DNAH2: variants seen among roughly 807,000 people sequenced by gnomAD.
DNAH2 encodes the protein axonemal beta dynein heavy chain 2.
A neutral mutation model predicts 523.5 loss-of-function variants in DNAH2; 323 were observed. The ratio of observed to expected loss-of-function variants is 0.62; its 90% CI spans 0.56 to 0.68. The LOEUF is 0.68. DNAH2 is among the 30% of genes least tolerant of loss of function. DNAH2 has a pLI of 0.00. For synonymous variants in DNAH2, 2,093 were observed against 2,177.4 expected (o/e 0.96, Z 1.08); for missense variants, 4,907 against 5,701.5 (o/e 0.86, Z 4.49).
chr17:7,811,718 C>A (rs1358401108), intron 63 of DNAH2, among the ~76,000 whole-genome samples: 1 of 152,166 alleles, frequency 6.6e-6, no homozygotes, highest in East Asian at 1.9e-4. Context: ...AGGGCCCTAC[C>A]CCCGTGACCT....
Position 7,770,245 on chromosome 17 carries a change from G to A in DNAH2, c.3942-7G>A. The A allele has an allele frequency of 6.3e-7, 1 of 1,595,922 alleles. No homozygotes were observed. The highest frequency in any genetic ancestry group is 1.1e-5 in the South Asian group (1 of 87,482). On this transcript the variant is annotated splice_polypyrimidine_tract_variant and splice_region_variant and intron_variant, in intron 24 of 85. Coordinates refer to ENST00000572933, the MANE Select transcript of DNAH2 (RefSeq NM_020877.5). ...CTGACCTCACACCCTCCTGTTCCTGGCTGCAGGCACTGGGACCAGGTCCGG... is the reference window on the plus strand; with the variant it reads ...CTGACCTCACACCCTCCTGTTCCTGACTGCAGGCACTGGGACCAGGTCCGG...
intron 13 of DNAH2, 125 bp downstream of exon 13, chr17:7,757,362 A>T: frequency 3.0e-6 from 4 of 1,313,704 alleles, no homozygotes; most frequent in Non-Finnish European, 4.1e-6. Flanking sequence ...CCATCTCAAA[A>T]AAAAAAAATT....
rs2078204780 is a variant in DNAH2, at chr17:7,832,412, A to G, written c.12727-167A>G. On this transcript the variant is annotated intron_variant, in intron 82 of 85. Coordinates refer to ENST00000572933, the MANE Select transcript of DNAH2 (RefSeq NM_020877.5). The surrounding 1 kb of genome is among the most constrained non-coding windows in gnomAD (Gnocchi z 4.3). ...GTAATCCCAGCTACTTGGGAGGCTG[A>G]GGCAGGAGAATAGCTTAACTTGGGA... 2.0e-5 allele frequency among the ~76,000 whole-genome samples: 3 copies of G among 152,186 alleles called. No individual in the cohort carries two copies. The highest frequency in any genetic ancestry group is 4.1e-4 in the South Asian group (2 of 4,826).
chr17:7,801,703 A>C lies in DNAH2; in HGVS notation c.8825A>C (p.Gln2942Pro), dbSNP rs746596849. 1.2e-6 allele frequency: 2 copies of C among 1,614,084 alleles called. No individual in the cohort carries two copies. The highest frequency in any genetic ancestry group is 4.5e-5 in the East Asian group (2 of 44,874). ...CTCATAGGAGTAGACCTGGGAACTC[A>C]GGAGAATGTGAGCCCCTCCTCCCCA... Reference protein sequence around the residue: ...KCLIGVDLGTQENIHRKVAQI... With the variant: ...KCLIGVDLGTPENIHRKVAQI... The change falls in exon 57 of 86, where the codon CAG becomes CCG. Residue 2942 changes from glutamine to proline, a missense_variant. Gln to Pro is a moderately conservative substitution (Grantham distance 76). Coordinates refer to ENST00000572933, the MANE Select transcript of DNAH2 (RefSeq NM_020877.5).
chr17:7,795,208 T>C (rs2077028598), intron 49 of DNAH2, among the ~76,000 whole-genome samples: 1 of 152,104 alleles, frequency 6.6e-6, no homozygotes, highest in Admixed American at 6.6e-5. Flanking sequence ...ATGCCAATAA[T>C]TTATGATGAG....
At chr17:7,816,884 C>A in intron 64 of DNAH2, 149 bp downstream of exon 64, 1 of 990,946 alleles carries the variant, frequency 1.0e-6, no homozygotes. Context: ...CTCTTCCCCT[C>A]CCCCTGCACA....
intron 13 of DNAH2, 23 bp from the exon 14 acceptor site, chr17:7,758,472 T>G: frequency 6.2e-7 from 1 of 1,606,410 alleles, no homozygotes; most frequent in South Asian, 1.1e-5. Context: ...CCCCTCTGGA[T>G]ACCAGGCCTC....
rs753205736 is a variant in DNAH2, at chr17:7,757,218, G to C, written c.2032G>C (p.Val678Leu). 1.1e-5 allele frequency: 17 copies of C among 1,613,982 alleles called. No homozygotes were observed. The highest frequency in any genetic ancestry group is 1.4e-5 in the Non-Finnish European group (16 of 1,180,008). ...LRILRENLLLVARDYNRIIAM... is the reference protein window; with the variant it reads ...LRILRENLLLLARDYNRIIAM... ...CATTCTGCGTGAAAATCTGCTACTC[G>C]TTGCTAGAGACTACAATAGGTAGGG... The change falls in exon 13 of 86, where the codon GTT (valine) becomes CTT (leucine). Residue 678 changes from valine to leucine, a missense_variant. By Grantham distance (32) the Val-to-Leu change is conservative. This residue lies in a region of DNAH2 where 2,806 missense variants were observed against 3,190.8 expected (regional missense o/e 0.88). Coordinates refer to ENST00000572933, the MANE Select transcript of DNAH2 (RefSeq NM_020877.5).
In DNAH2 at chr17:7,777,518, G is replaced by A; in HGVS notation, c.5131G>A (p.Ala1711Thr). ...LTKIMRLKIV[A>T]LVTIEIHARD... ...CAAGATCATGCGGCTTAAAATTGTG[G>A]CTCTGGTGACGATAGAAATTCATGC... Residue 1711 changes from alanine to threonine, a missense_variant, in exon 33 of 86, where the codon GCT becomes ACT. Coordinates refer to ENST00000572933, the MANE Select transcript of DNAH2 (RefSeq NM_020877.5). 1 of 1,614,146 alleles carries A rather than the reference G, an allele frequency of 6.2e-7. No homozygotes were observed. Among genetic ancestry groups the A allele is most frequent in the Non-Finnish European group, 8.5e-7 (1 of 1,180,034 alleles).
At chr17:7,776,996 C>A (rs2076472014) in intron 32 of DNAH2, 107 bp downstream of exon 32, 2 of 891,108 alleles carry the variant, frequency 2.2e-6, no homozygotes, top group Non-Finnish European at 1.8e-6. Context: ...CCAGCCTGGG[C>A]AATATGGCGA....
rs762609522 is a variant in DNAH2 at position 7,791,072 on chromosome 17, G to GT, written c.6901-834dup. On this transcript the variant is annotated intron_variant, in intron 44 of 85. Transcript: ENST00000572933. The stretch of plus-strand genomic sequence containing the variant: ...GGTATCCATAGAAAATATGTTTTTT[G>GT]TTTTTTTTTTTGTTTTTGGAGATGG... Among the ~76,000 whole-genome samples the GT allele has an allele frequency of 4.4e-3, 630 of 144,532 alleles. 4 individuals are homozygous for GT. The highest frequency in any genetic ancestry group is 0.012 in the African/African-American group (488 of 39,628). The allele number at this position is 144,532 out of a possible 152,430, so 94.8% of individuals were successfully genotyped here. A position where few individuals can be genotyped will look rare whatever the true frequency, so the allele number is the denominator to read the frequency against.
chr17:7,804,707 G>A (rs988919978), intron 59 of DNAH2, among the ~76,000 whole-genome samples: 12 of 152,066 alleles, frequency 7.9e-5, no homozygotes, highest in African/African-American at 2.7e-4. Flanking sequence ...TTAGCTGGGC[G>A]TGGTGGCGGG....
intron 2 of DNAH2, among the ~76,000 whole-genome samples, chr17:7,721,058 G>C (rs1314700518): frequency 6.9e-6 from 1 of 145,698 alleles, no homozygotes; most frequent in Non-Finnish European, 1.5e-5. Flanking sequence ...TCCCAGCCTG[G>C]AGTGCATTGG....
At chr17:7,750,171 A>G (rs1179837271) in intron 12 of DNAH2, among the ~76,000 whole-genome samples, 1 of 152,144 alleles carries the variant, frequency 6.6e-6, no homozygotes, top group African/African-American at 2.4e-5. Context: ...GGTGTGAGCC[A>G]TTGTGCCTGG....
intron 4 of DNAH2, among the ~76,000 whole-genome samples, chr17:7,727,678 C>G (rs2074862887): frequency 6.7e-6 from 1 of 149,678 alleles, no homozygotes; most frequent in Non-Finnish European, 1.5e-5. Flanking sequence ...ATCGCTTGAA[C>G]CTGGGAGGCG....
intron 12 of DNAH2, among the ~76,000 whole-genome samples, chr17:7,756,779 T>C (rs2075851502): frequency 6.6e-6 from 1 of 152,204 alleles, no homozygotes; most frequent in Non-Finnish European, 1.5e-5. Flanking sequence ...TAAGCGATTC[T>C]TGTGCCTCAT....
chr17:7,792,363 G>A lies in DNAH2; in HGVS notation c.7145+20G>A, dbSNP rs748953284. 1.2e-6 allele frequency: 2 copies of A among 1,612,750 alleles called. No homozygotes were observed. Among genetic ancestry groups the A allele is most frequent in the Non-Finnish European group, 1.7e-6 (2 of 1,178,824 alleles). ...TCCAAAGTAAGAGCTGGGCCTGGGT[G>A]TGAGGAGGGCATGGGGCAGCGGTAG... On this transcript the variant is annotated intron_variant, in intron 46 of 85. Transcript: ENST00000572933.
chr17:7,786,620 A>G lies in DNAH2; in HGVS notation c.6399A>G (p.Glu2133=). ...KALSLGELYG[E]YDLSTNEWTD... ...TGTCCCTAGGGGAACTGTATGGGGA[A>G]TATGACCTCAGCACCAATGAATGGA... The change falls in exon 41 of 86, where the codon GAA becomes GAG. Residue 2133 remains glutamate (E), a synonymous_variant. Transcript: ENST00000572933. This position sits in a 1 kb window ranked among gnomAD's most constrained non-coding sequence, Gnocchi z 7.5. The G allele has an allele frequency of 1.2e-6, 2 of 1,614,136 alleles. No homozygotes were observed. The highest frequency in any genetic ancestry group is 1.7e-6 in the Non-Finnish European group (2 of 1,180,044).
In DNAH2 at chr17:7,817,735, C is replaced by T. The variant is rs201600665; in HGVS notation, c.10169+26C>T. Reference sequence around the variant, plus strand: ...GTGAGGGTGCTGCTGGGCGTGGGGGCGGTACGGGAGCATGGGAGAGAGGGC... The same window carrying T: ...GTGAGGGTGCTGCTGGGCGTGGGGGTGGTACGGGAGCATGGGAGAGAGGGC... On this transcript the variant is annotated intron_variant, in intron 66 of 85. Transcript: ENST00000572933. The T allele has an allele frequency of 1.6e-4, 252 of 1,614,056 alleles. 1 individual carries two copies. The African/African-American group carries it at 2.0e-3, about 13-fold the overall frequency.
Sources: gnomAD v4.1 joint callset for allele counts (sites outside exome capture counted in the v4.1 genomes callset) on GRCh38, gnomAD v4.1.1 for gene constraint, gnomAD v4.1.1 regional missense constraint, Gnocchi (gnomAD v3.1) non-coding constraint, MANE v1.5 for transcripts, NCBI Gene and HGNC (gene_info 2026-07-23, HGNC 2026-07-21) for gene names.